PDCD6IP: variants seen among roughly 807,000 people sequenced by gnomAD.
PDCD6IP encodes programmed cell death 6-interacting protein.
A neutral mutation model predicts 103.7 loss-of-function variants in PDCD6IP; 43 were observed. The ratio of observed to expected loss-of-function variants is 0.41; its 90% CI spans 0.32 to 0.53. The LOEUF (loss-of-function observed/expected upper bound fraction) is 0.53, where lower values mean the gene tolerates loss of function less well. Among genes scored for constraint, PDCD6IP ranks in the 20% least tolerant of loss-of-function variants. The pLI is 0.16. For missense variants in PDCD6IP, 871 were observed against 1,036.7 expected (o/e 0.84, Z 2.20); for synonymous variants, 354 against 378.7 (o/e 0.93, Z 0.76).
chr3:33,865,761 A>G (rs1370978744), intron 17 of PDCD6IP, among the ~76,000 whole-genome samples: 2 of 152,160 alleles, frequency 1.3e-5, no homozygotes, highest in Non-Finnish European at 2.9e-5. Context: ...CAAAACTGAT[A>G]AGGCCTTGTT....
intron 3 of PDCD6IP, among the ~76,000 whole-genome samples, chr3:33,820,999 T>C (rs1427809052): frequency 6.6e-6 from 1 of 152,160 alleles, no homozygotes; most frequent in Non-Finnish European, 1.5e-5. Flanking sequence ...GCAGTTGTAC[T>C]TTTTCTAATT....
intron 9 of PDCD6IP, among the ~76,000 whole-genome samples, chr3:33,838,776 G>GTA (rs1423076944): frequency 1.4e-4 from 21 of 150,156 alleles, no homozygotes; most frequent in South Asian, 2.1e-4. Flanking sequence ...GTGTGTATGT[G>GTA]TATATATATA....
At chr3:33,829,500 C>CTAT (rs1418478962) in intron 7 of PDCD6IP, among the ~76,000 whole-genome samples, 1 of 142,438 alleles carries the variant, frequency 7.0e-6, no homozygotes, top group Non-Finnish European at 1.5e-5. Context: ...TATATATATA[C>CTAT]ACACATATAT....
Position 33,825,315 on chromosome 3 carries a change from A to G in PDCD6IP, c.591A>G (p.Glu197=). 3.7e-6 allele frequency: 6 copies of G among 1,604,236 alleles called. No homozygotes were observed. The highest frequency in any genetic ancestry group is 4.2e-6 in the Non-Finnish European group (5 of 1,177,878). Residue 197 remains glutamate (E), a synonymous_variant, in exon 5 of 18, where the codon GAA becomes GAG. Transcript: ENST00000307296. The stretch of plus-strand genomic sequence containing the variant: ...TTATTATGCTGGCACAGGCTCAAGA[A>G]GTATTTTTTTTAAAAGCCACAAGAG... The part of the protein sequence containing the change: ...LSLIMLAQAQ[E]VFFLKATRDK...
At chr3:33,800,284 A>G (rs1324928825) in intron 1 of PDCD6IP, among the ~76,000 whole-genome samples, 1 of 152,132 alleles carries the variant, frequency 6.6e-6, no homozygotes, top group Non-Finnish European at 1.5e-5. Flanking sequence ...GTAGTGTAAT[A>G]ACAATCGTCC....
At chr3:33,803,798 T>A (rs896353887) in intron 1 of PDCD6IP, among the ~76,000 whole-genome samples, 3 of 152,164 alleles carry the variant, frequency 2.0e-5, no homozygotes, top group Non-Finnish European at 2.9e-5. Flanking sequence ...TTCATTTTTT[T>A]AAAAAATGTT....
At chr3:33,841,038 T>C (rs1276713288) in intron 9 of PDCD6IP, among the ~76,000 whole-genome samples, 1 of 150,184 alleles carries the variant, frequency 6.7e-6, no homozygotes, top group Non-Finnish European at 1.5e-5. Context: ...TTTTTTTTTT[T>C]TTCCCCCGAG....
At chr3:33,814,227 C>A (rs558141504) in intron 3 of PDCD6IP, among the ~76,000 whole-genome samples, 1 of 151,508 alleles carries the variant, frequency 6.6e-6, no homozygotes, top group Non-Finnish European at 1.5e-5. Context: ...TCACTGCAAC[C>A]TCTGCCTACT....
rs189273941 is a variant in PDCD6IP, at chr3:33,833,967, A to T, written c.835-2077A>T. On this transcript the variant is annotated intron_variant, in intron 7 of 17. Coordinates refer to ENST00000307296, the MANE Select transcript of PDCD6IP (RefSeq NM_013374.6). ...TTAGGAAGAATCCCACTACCTCTGT[A>T]CCTGTGCTTCCCTGAATTCCTCACA... Among the ~76,000 whole-genome samples the T allele has an allele frequency of 9.1e-4, 139 of 152,176 alleles. No homozygotes were observed. The Middle Eastern group carries it at 0.01, about 11-fold the overall frequency.
In PDCD6IP at chr3:33,842,128, C is replaced by T. The variant is rs1697490423; in HGVS notation, c.1359+54C>T. On this transcript the variant is annotated intron_variant, in intron 10 of 17. Coordinates refer to ENST00000307296, the MANE Select transcript of PDCD6IP (RefSeq NM_013374.6). ...TATAAACACTGTGATCCCTTGATGT[C>T]CAGCAGGGATTGGGACTGGAGACTT... is the stretch of plus-strand genomic sequence containing the variant. The T allele has an allele frequency of 1.1e-5, 11 of 1,040,346 alleles. No homozygotes were observed. The South Asian group carries it at 1.5e-4, about 14-fold the overall frequency. 64.4% of individuals were successfully genotyped at this position (1,040,346 alleles called of 1,614,324 possible).
chr3:33,845,362 G>A (rs1281400229), intron 11 of PDCD6IP, 57 bp from the exon 12 acceptor site: 13 of 1,344,158 alleles, frequency 9.7e-6, no homozygotes, highest in South Asian at 6.8e-5. Flanking sequence ...ATAACCAGCC[G>A]ATAAACGTTG....
intron 5 of PDCD6IP, 107 bp downstream of exon 5, chr3:33,825,447 A>G: frequency 4.2e-6 from 4 of 948,250 alleles, no homozygotes. Flanking sequence ...GTCCTTCTTG[A>G]ACTTGATACA....
chr3:33,853,819 G>T, intron 13 of PDCD6IP, 60 bp from the exon 14 acceptor site: 1 of 1,242,288 alleles, frequency 8.0e-7, no homozygotes, highest in African/African-American at 1.6e-5. Context: ...CAATAAAAAT[G>T]TTATGAGCTA....
chr3:33,863,685 T>G (rs1698001730), intron 15 of PDCD6IP, among the ~76,000 whole-genome samples: 1 of 152,214 alleles, frequency 6.6e-6, no homozygotes, highest in Non-Finnish European at 1.5e-5. Flanking sequence ...TAGGTTGCAT[T>G]CATATTTTGG....
chr3:33,827,257 A>G, intron 6 of PDCD6IP: 1 of 926,846 alleles, frequency 1.1e-6, no homozygotes, highest in South Asian at 5.0e-5. Context: ...AGAAAACTTA[A>G]AGATTGAGTG....
intron 8 of PDCD6IP, among the ~76,000 whole-genome samples, chr3:33,836,565 A>G (rs1296448232): frequency 1.3e-5 from 2 of 152,134 alleles, no homozygotes; most frequent in African/African-American, 2.4e-5. Context: ...ATTAAAAATA[A>G]ACAAATATGG....
intron 9 of PDCD6IP, among the ~76,000 whole-genome samples, chr3:33,838,768 G>A (rs1697407348): frequency 6.6e-6 from 1 of 151,358 alleles, no homozygotes; most frequent in East Asian, 1.9e-4. Flanking sequence ...GTGTGTGTGT[G>A]TGTATGTGTA....
intron 9 of PDCD6IP, among the ~76,000 whole-genome samples, chr3:33,839,241 T>C (rs913512024): frequency 1.3e-5 from 2 of 152,256 alleles, no homozygotes; most frequent in Non-Finnish European, 2.9e-5. Context: ...CTGGCCGCTA[T>C]TGATCTGCTC....
At chr3:33,801,372 G>A (rs1355905805) in intron 1 of PDCD6IP, among the ~76,000 whole-genome samples, 1 of 152,224 alleles carries the variant, frequency 6.6e-6, no homozygotes, top group East Asian at 1.9e-4. Context: ...AAGCCAGCTT[G>A]ATAAGTCCTG....
Sources: gnomAD v4.1 joint callset for allele counts (sites outside exome capture counted in the v4.1 genomes callset) on GRCh38, gnomAD v4.1.1 for gene constraint, MANE v1.5 for transcripts, NCBI Gene and HGNC (gene_info 2026-07-23, HGNC 2026-07-21) for gene names.